NECTIN1: variants seen among roughly 807,000 people sequenced by gnomAD.
NECTIN1 encodes the protein nectin cell adhesion molecule 1.
Under a neutral mutation model 48.0 loss-of-function variants are expected in NECTIN1, and 23 were observed. That is an observed-to-expected ratio of 0.48 (90% CI 0.34 to 0.68). NECTIN1 has a LOEUF of 0.68. Among genes scored for constraint, NECTIN1 ranks in the 30% least tolerant of loss-of-function variants. The pLI is 0.01. For missense variants in NECTIN1, 591 were observed against 709.9 expected (o/e 0.83, Z 1.90); for synonymous variants, 270 against 288.9 (o/e 0.93, Z 0.66).
At chr11:119,657,739 AAAT>A (rs57059976), downstream of NECTIN1, among the ~76,000 whole-genome samples, 785 of 128,270 alleles carry the variant, frequency 6.1e-3, 3 homozygotes, top group East Asian at 0.019. Flanking sequence ...TGTCTCTATA[AAAT>A]AATAATAATA....
chr11:119,718,416 C>T (rs373475094), intron 1 of NECTIN1, among the ~76,000 whole-genome samples: 24 of 152,308 alleles, frequency 1.6e-4, no homozygotes, highest in Admixed American at 2.6e-4. Flanking sequence ...TCAAAGCAGC[C>T]GGCCCAGGAG....
At chr11:119,658,166 A>G (rs935502361), downstream of NECTIN1, among the ~76,000 whole-genome samples, 16 of 152,220 alleles carry the variant, frequency 1.1e-4, no homozygotes, top group Middle Eastern at 3.4e-3. Context: ...GCTTGGATGC[A>G]GAGTTGCCAG....
chr11:119,671,505 T>C (rs971064727), intron 5 of NECTIN1, among the ~76,000 whole-genome samples: 8 of 152,030 alleles, frequency 5.3e-5, no homozygotes, highest in Non-Finnish European at 7.4e-5. Flanking sequence ...TTTGGATAGA[T>C]CTGAGGTGGA....
chr11:119,672,827 C>T lies in NECTIN1; in HGVS notation c.1003+2332G>A, dbSNP rs957653074. On this transcript the variant is annotated intron_variant, in intron 5 of 5. Coordinates refer to ENST00000264025, the MANE Select transcript of NECTIN1 (RefSeq NM_002855.5). This position sits in a 1 kb window ranked among gnomAD's most constrained non-coding sequence, Gnocchi z 4.3. ...CATCTCCCAGCAACCACTCAGTGCT[C>T]CTTCCTCAGGGGCCCAGGTCCCCAA... Among the ~76,000 whole-genome samples, 3 of 152,212 alleles carry T rather than the reference C, an allele frequency of 2.0e-5. No homozygotes were observed. The highest frequency in any genetic ancestry group is 7.2e-5 in the African/African-American group (3 of 41,452).
rs1221263026 is a variant in NECTIN1, at chr11:119,728,879, C to T, written c.-326G>A. 2 of 246,788 alleles carry T rather than the reference C, an allele frequency of 8.1e-6. No homozygotes were observed. Among genetic ancestry groups the T allele is most frequent in the Non-Finnish European group, 1.5e-5 (2 of 129,734 alleles). 15.3% of individuals were successfully genotyped at this position (246,788 alleles called of 1,614,324 possible). A position where few individuals can be genotyped will look rare whatever the true frequency, so the allele number is the denominator to read the frequency against. On this transcript the variant is annotated 5_prime_UTR_variant, in exon 1 of 6. Transcript: ENST00000264025. The stretch of plus-strand genomic sequence containing the variant: ...AGCGGGGCTGGGGAGAGGGACCCAC[C>T]CCCGGCGCGCCCGGCTGCCCGGTTG...
chr11:119,662,275 C>A lies in NECTIN1; in HGVS notation c.*2472G>T. On this transcript the variant is annotated 3_prime_UTR_variant, in exon 6 of 6. Transcript: ENST00000264025. This position sits in a 1 kb window ranked among gnomAD's most constrained non-coding sequence, Gnocchi z 5.3. ...TCTGTGGGCCCAGCAGTAGTGCCCA[C>A]CTTCCCACAAACTTGGGGCACAGAA... 3 of 985,698 alleles carry A rather than the reference C, an allele frequency of 3.0e-6. No individual in the cohort carries two copies. Among genetic ancestry groups the A allele is most frequent in the Non-Finnish European group, 3.6e-6 (3 of 829,944 alleles). 61.1% of individuals were successfully genotyped at this position (985,698 alleles called of 1,614,324 possible).
At chr11:119,647,801 G>A (rs140740960) in intron 5 of NECTIN1, among the ~76,000 whole-genome samples, 170 of 152,204 alleles carry the variant, frequency 1.1e-3, no homozygotes, top group African/African-American at 3.7e-3. Flanking sequence ...GGTGGCTCAC[G>A]CCTGTAATCC....
At chr11:119,704,707 T>TG (rs1865518273) in intron 1 of NECTIN1, among the ~76,000 whole-genome samples, 1 of 152,040 alleles carries the variant, frequency 6.6e-6, no homozygotes, top group South Asian at 2.1e-4. Flanking sequence ...ATCTCCTCCG[T>TG]GGGGTATGAA....
At position 119,663,070 on chromosome 11, in the gene NECTIN1, G is replaced by T; in HGVS notation, c.*1677C>A. 1 of 985,452 alleles carries T rather than the reference G, an allele frequency of 1.0e-6. No individual in the cohort carries two copies. The highest frequency in any genetic ancestry group is 1.2e-6 in the Non-Finnish European group (1 of 829,942). The allele number at this position is 985,452 out of a possible 1,614,324, so 61.0% of individuals were successfully genotyped here. On this transcript the variant is annotated 3_prime_UTR_variant, in exon 6 of 6. Coordinates refer to ENST00000264025, the MANE Select transcript of NECTIN1 (RefSeq NM_002855.5). ...CCCTTAGGAAGCCTATGGCAGGGTG[G>T]GTCAGTGCCCGTGGGGCACAGAGTG...
intron 1 of NECTIN1, among the ~76,000 whole-genome samples, chr11:119,701,773 C>T (rs1054257202): frequency 2.6e-5 from 4 of 152,172 alleles, no homozygotes; most frequent in Non-Finnish European, 4.4e-5. Flanking sequence ...GCCCAACAAG[C>T]TGCTGCTAGG....
intron 5 of NECTIN1, among the ~76,000 whole-genome samples, chr11:119,648,277 A>ATGC (rs1491186168): frequency 4.8e-4 from 12 of 25,042 alleles, no homozygotes; most frequent in East Asian, 3.6e-3. Flanking sequence ...GGTGGTGGTG[A>ATGC]TGGTGGTGGT....
chr11:119,639,805 C>T, intron 6 of NECTIN1: 2 of 1,611,646 alleles, frequency 1.2e-6, no homozygotes, highest in Non-Finnish European at 1.7e-6. Flanking sequence ...GTCTGGGGCT[C>T]CCAGGGTGCT....
intron 5 of NECTIN1, among the ~76,000 whole-genome samples, chr11:119,654,903 T>C (rs1864547078): frequency 6.6e-6 from 1 of 151,644 alleles, no homozygotes; most frequent in Non-Finnish European, 1.5e-5. Context: ...CTTACATTTA[T>C]TTTTTATTTT....
intron 5 of NECTIN1, among the ~76,000 whole-genome samples, chr11:119,653,579 C>T (rs944168134): frequency 6.6e-5 from 10 of 152,186 alleles, no homozygotes; most frequent in Admixed American, 2.6e-4. Flanking sequence ...GTGCGCACCA[C>T]GTAGCCAGGA....
chr11:119,681,486 G>A (rs564813657), intron 1 of NECTIN1, among the ~76,000 whole-genome samples: 1 of 152,346 alleles, frequency 6.6e-6, no homozygotes, highest in Non-Finnish European at 1.5e-5. Context: ...GCAGGGCACA[G>A]TCCCTGGGGC....
downstream of NECTIN1, among the ~76,000 whole-genome samples, chr11:119,660,773 T>C (rs1017551128): frequency 3.3e-5 from 5 of 152,162 alleles, no homozygotes; most frequent in Non-Finnish European, 7.4e-5. Flanking sequence ...TCTGCGATGC[T>C]GTCGTCAAAG....
Position 119,727,874 on chromosome 11 carries a change from G to A in NECTIN1, c.79+601C>T, listed in dbSNP as rs972815017. Among the ~76,000 whole-genome samples, 1 of 152,230 alleles carries A rather than the reference G, an allele frequency of 6.6e-6. No homozygotes were observed. The highest frequency in any genetic ancestry group is 1.5e-5 in the Non-Finnish European group (1 of 68,042). On this transcript the variant is annotated intron_variant, in intron 1 of 5. Coordinates refer to ENST00000264025, the MANE Select transcript of NECTIN1 (RefSeq NM_002855.5). The surrounding 1 kb of genome is among the most constrained non-coding windows in gnomAD (Gnocchi z 4.1). ...TCCCGCGCCAGGCCGGGAGGAGGCT[G>A]CCCCGGCCTCACCCTCCAGGAAAGG... is the stretch of plus-strand genomic sequence containing the variant.
chr11:119,638,196 G>A lies in NECTIN1; in HGVS notation c.1279C>T (p.Gln427Ter). Residue 427 changes from glutamine to a stop codon, truncating the protein, a stop_gained, in exon 8 of 8, where the codon CAG (glutamine) becomes TAG (stop). Transcript: ENST00000341398. LOFTEE classifies it low-confidence loss of function (END_TRUNC). Reference sequence around the variant, plus strand: ...TAGGGGGGCTGCAGGGACAGCTTCTGCAAGTCCTCCTCTTCTTGCTGCTGC... The same window carrying A: ...TAGGGGGGCTGCAGGGACAGCTTCTACAAGTCCTCCTCTTCTTGCTGCTGC... The A allele has an allele frequency of 6.2e-7, 1 of 1,614,080 alleles. No homozygotes were observed. Among genetic ancestry groups the A allele is most frequent in the Non-Finnish European group, 8.5e-7 (1 of 1,179,966 alleles).
At chr11:119,720,541 T>C (rs962289933) in intron 1 of NECTIN1, among the ~76,000 whole-genome samples, 5 of 152,274 alleles carry the variant, frequency 3.3e-5, no homozygotes, top group African/African-American at 1.2e-4. Context: ...CGCGTGAGCC[T>C]GTGTGTGCTA....
Sources: allele counts gnomAD v4.1 joint callset (sites outside exome capture counted in the v4.1 genomes callset), GRCh38; gene constraint gnomAD v4.1.1; non-coding constraint Gnocchi (gnomAD v3.1); transcripts MANE v1.5; gene names NCBI Gene and HGNC (gene_info 2026-07-23, HGNC 2026-07-21).